The following TP53BP2 variants were observed in gnomAD, a reference collection of about 807,000 sequenced individuals.
TP53BP2 encodes the protein apoptosis-stimulating of p53 protein 2.
A neutral mutation model predicts 126.2 loss-of-function variants in TP53BP2; 62 were observed. That is an observed-to-expected ratio of 0.49 (90% CI 0.40 to 0.61). The LOEUF is 0.61. Among genes scored for constraint, TP53BP2 ranks in the 20% least tolerant of loss-of-function variants. The pLI is 0.00. For synonymous variants in TP53BP2, 485 were observed against 502.9 expected, an observed-to-expected ratio of 0.96 and a Z score of 0.48; for missense variants, 1,215 against 1,402.8, an observed-to-expected ratio of 0.87 and a Z score of 2.14.
intron 5 of TP53BP2, among the ~76,000 whole-genome samples, chr1:223,805,922 T>G (rs1124943): frequency 0.2 from 30,457 of 152,144 alleles, 3,382 homozygotes; most frequent in Non-Finnish European, 0.25. Flanking sequence ...GCCCAAAATA[T>G]TTACTATGTA....
rs796803641 is a variant in TP53BP2 at position 223,780,149 on chromosome 1, G to C, written c.*704C>G. 1 of 152,152 alleles carries C rather than the reference G, an allele frequency of 6.6e-6. No homozygotes were observed. Among genetic ancestry groups the C allele is most frequent in the Non-Finnish European group, 1.5e-5 (1 of 68,036 alleles). 9.4% of individuals were successfully genotyped at this position (152,152 alleles called of 1,614,324 possible). On this transcript the variant is annotated 3_prime_UTR_variant, in exon 18 of 18. Transcript: ENST00000343537. ...CAGCTATGATCTTGACAAATATTAC[G>C]GGTAAGTCTGTAGCAAGTTTCTAAT...
At chr1:223,830,475 A>G (rs1385089332) in intron 1 of TP53BP2, among the ~76,000 whole-genome samples, 1 of 152,130 alleles carries the variant, frequency 6.6e-6, no homozygotes, top group East Asian at 1.9e-4. Context: ...AGTAAAATAA[A>G]TCATGTATCA....
intron 2 of TP53BP2, among the ~76,000 whole-genome samples, chr1:223,817,090 GT>G (rs1663112418): frequency 6.6e-6 from 1 of 151,066 alleles, no homozygotes; most frequent in Admixed American, 6.6e-5. Context: ...AGCCTAGAAG[GT>G]CAAGGCTGCA....
chr1:223,798,788 C>G, intron 11 of TP53BP2, 111 bp from the exon 12 acceptor site: 14 of 993,176 alleles, frequency 1.4e-5, no homozygotes, highest in Non-Finnish European at 1.9e-5. Context: ...AATATTAGCT[C>G]TGGCCGGGTG....
At chr1:223,828,024 C>T (rs1455888993) in intron 1 of TP53BP2, among the ~76,000 whole-genome samples, 5 of 152,122 alleles carry the variant, frequency 3.3e-5, no homozygotes, top group African/African-American at 1.2e-4. Flanking sequence ...CAGTTTTTAT[C>T]AGCATGTTGA....
intron 17 of TP53BP2, among the ~76,000 whole-genome samples, chr1:223,782,728 C>T (rs1661815026): frequency 6.6e-6 from 1 of 152,184 alleles, no homozygotes; most frequent in Non-Finnish European, 1.5e-5. Flanking sequence ...GCTGGGATTA[C>T]AGGCGTGAGC....
rs538880347 is a variant in TP53BP2 at position 223,843,936 on chromosome 1, A to T, written c.27+1718T>A. 5.3e-5 allele frequency among the ~76,000 whole-genome samples: 8 copies of T among 152,366 alleles called. No homozygotes were observed. In the South Asian group the frequency reaches 1.7e-3, roughly 32 times the overall value. ...ACTTTAACCAACATTGGAAATTCAG[A>T]GGCGTTTATCTACCGCCTATTGCAA... is the stretch of plus-strand genomic sequence containing the variant. On this transcript the variant is annotated intron_variant, in intron 1 of 17. Coordinates refer to ENST00000343537, the MANE Select transcript of TP53BP2 (RefSeq NM_001031685.3).
At chr1:223,815,048 G>T (rs1040457540) in intron 2 of TP53BP2, among the ~76,000 whole-genome samples, 3 of 152,110 alleles carry the variant, frequency 2.0e-5, no homozygotes, top group African/African-American at 7.2e-5. Flanking sequence ...AATCTCAAGG[G>T]ATCTGGATAT....
intron 15 of TP53BP2, among the ~76,000 whole-genome samples, chr1:223,790,645 C>T (rs933933893): frequency 1.3e-5 from 2 of 150,066 alleles, no homozygotes; most frequent in African/African-American, 4.9e-5. Context: ...TGCTCTGTCA[C>T]CCAGACTGGA....
At position 223,780,806 on chromosome 1, in the gene TP53BP2, CTTAACAGAGA is replaced by C; in HGVS notation, c.*37_*46del. ...GCCAAAAATAATCGTATTACTTCTTCTTAACAGAGATTAATTCTTCATTGACTAAAATTCT... is the reference window on the plus strand; with the variant it reads ...GCCAAAAATAATCGTATTACTTCTTCTTAATTCTTCATTGACTAAAATTCT... On this transcript the variant is annotated 3_prime_UTR_variant, in exon 18 of 18. Transcript: ENST00000343537. 6.3e-7 allele frequency: 1 copy of C among 1,596,016 alleles called. No individual in the cohort carries two copies. Among genetic ancestry groups the C allele is most frequent in the Non-Finnish European group, 8.5e-7 (1 of 1,171,154 alleles).
At position 223,845,887 on chromosome 1, in the gene TP53BP2, G is replaced by A; in HGVS notation, c.-207C>T. 3.2e-6 allele frequency: 1 copy of A among 311,430 alleles called. No homozygotes were observed. The highest frequency in any genetic ancestry group is 1.4e-4 in the South Asian group (1 of 7,258). The allele number at this position is 311,430 out of a possible 1,614,324, so 19.3% of individuals were successfully genotyped here. On this transcript the variant is annotated 5_prime_UTR_variant, in exon 1 of 18. Transcript: ENST00000343537. ...CTCCCCCGCCCCGGCCGGGCCCCCTGACGCGGCTTTGTCTCTTCGACGCTC... is the reference window on the plus strand; with the variant it reads ...CTCCCCCGCCCCGGCCGGGCCCCCTAACGCGGCTTTGTCTCTTCGACGCTC...
At chr1:223,789,658 AT>A (rs1662085109) in intron 15 of TP53BP2, among the ~76,000 whole-genome samples, 1 of 152,158 alleles carries the variant, frequency 6.6e-6, no homozygotes, top group Non-Finnish European at 1.5e-5. Flanking sequence ...CTACTTTTAT[AT>A]TTTTTAAATC....
intron 12 of TP53BP2, among the ~76,000 whole-genome samples, chr1:223,797,359 G>A (rs1353474694): frequency 2.0e-5 from 3 of 151,744 alleles, no homozygotes; most frequent in Admixed American, 6.6e-5. Context: ...TTTAGCTAGC[G>A]GCTATGTCCC....
intron 1 of TP53BP2, among the ~76,000 whole-genome samples, chr1:223,831,926 T>G (rs1159977854): frequency 6.6e-6 from 1 of 151,898 alleles, no homozygotes; most frequent in African/African-American, 2.4e-5. Flanking sequence ...ATTTTAAGAG[T>G]CCTGTGTTTA....
At chr1:223,823,651 T>C (rs1037382629) in intron 1 of TP53BP2, among the ~76,000 whole-genome samples, 1 of 152,120 alleles carries the variant, frequency 6.6e-6, no homozygotes, top group Non-Finnish European at 1.5e-5. Context: ...TCAAAATTAT[T>C]ACACAAAAAT....
At chr1:223,804,663 G>A (rs1662655893) in intron 5 of TP53BP2, among the ~76,000 whole-genome samples, 1 of 152,176 alleles carries the variant, frequency 6.6e-6, no homozygotes, top group South Asian at 2.1e-4. Context: ...ATTTTAAAAA[G>A]CAGCTCATGT....
intron 1 of TP53BP2, among the ~76,000 whole-genome samples, chr1:223,836,789 C>G (rs1172947244): frequency 2.6e-5 from 4 of 151,946 alleles, no homozygotes; most frequent in Admixed American, 1.3e-4. Flanking sequence ...ATCTGTGTGC[C>G]CTGGTGACTC....
chr1:223,845,533 C>G, intron 1 of TP53BP2, 121 bp downstream of exon 1: 1 of 1,119,038 alleles, frequency 8.9e-7, no homozygotes, highest in Admixed American at 4.2e-5. Flanking sequence ...AAGCCCCGGC[C>G]CCTCCGCGCG....
intron 16 of TP53BP2, among the ~76,000 whole-genome samples, chr1:223,786,679 T>C (rs1397855674): frequency 6.6e-6 from 1 of 151,546 alleles, no homozygotes; most frequent in Non-Finnish European, 1.5e-5. Flanking sequence ...TGATCTCAGC[T>C]CACTGCAAGT....
Sources: allele counts gnomAD v4.1 joint callset (sites outside exome capture counted in the v4.1 genomes callset), GRCh38; gene constraint gnomAD v4.1.1; transcripts MANE v1.5; gene names NCBI Gene and HGNC (gene_info 2026-07-23, HGNC 2026-07-21).